The following ZBBX variants were observed in gnomAD, a reference collection of about 807,000 sequenced individuals.
ZBBX encodes the protein zinc finger B-box domain containing, also known as zinc finger B-box domain-containing protein 1.
ZBBX carries 101 observed loss-of-function variants against 108.5 expected under a neutral mutation model. The ratio of observed to expected loss-of-function variants is 0.93; its 90% CI spans 0.79 to 1.10. The LOEUF is 1.10. Ranked by LOEUF, ZBBX falls within the 50% of genes least tolerant of loss-of-function variation. The pLI, the probability that ZBBX is intolerant of heterozygous loss-of-function variation, is 0.00. For missense variants in ZBBX, 1,009 were observed against 941.4 expected, an observed-to-expected ratio of 1.07 and a Z score of -0.94; for synonymous variants, 356 against 323.4, an observed-to-expected ratio of 1.10 and a Z score of -1.08.
chr3:167,378,689 C>A (rs1747341103), intron 2 of ZBBX, among the ~76,000 whole-genome samples: 1 of 152,178 alleles, frequency 6.6e-6, no homozygotes, highest in Non-Finnish European at 1.5e-5. Context: ...TAGAAACTAC[C>A]TAGAGAAGAA....
At chr3:167,299,916 T>C (rs1732344511) in intron 17 of ZBBX, among the ~76,000 whole-genome samples, 1 of 152,174 alleles carries the variant, frequency 6.6e-6, no homozygotes, top group Non-Finnish European at 1.5e-5. Context: ...ATGGCCACTT[T>C]AGAAAGCTCT....
the ZBBX span, among the ~76,000 whole-genome samples, chr3:167,205,880 T>C: frequency 6.6e-6 from 1 of 152,108 alleles, no homozygotes; most frequent in Non-Finnish European, 1.5e-5. Context: ...ATTGGGCAGT[T>C]AGAGTTAGAA....
At chr3:167,400,571 G>T (rs971824340) in intron 1 of ZBBX, among the ~76,000 whole-genome samples, 7 of 151,866 alleles carry the variant, frequency 4.6e-5, no homozygotes, top group African/African-American at 1.7e-4. Context: ...TTGATTTCTT[G>T]CTGTTTAAAT....
chr3:167,204,158 T>C, the ZBBX span, among the ~76,000 whole-genome samples: 1 of 151,838 alleles, frequency 6.6e-6, no homozygotes, highest in East Asian at 1.9e-4. Flanking sequence ...GGTTTACTTG[T>C]AAGTTTATAA....
chr3:167,369,461 C>T (rs1012688315), intron 4 of ZBBX, among the ~76,000 whole-genome samples: 1 of 152,140 alleles, frequency 6.6e-6, no homozygotes, highest in Non-Finnish European at 1.5e-5. Flanking sequence ...TAAGCGGACA[C>T]AATCGAGGAA....
At chr3:167,331,546 A>C in intron 10 of ZBBX, 1 of 984,878 alleles carries the variant, frequency 1.0e-6, no homozygotes, top group Non-Finnish European at 1.2e-6. Context: ...TTCATATTGG[A>C]GTTATGCCAT....
chr3:167,322,181 T>A lies in ZBBX; in HGVS notation c.919A>T (p.Asn307Tyr). ...TNLKIWREPL[N>Y]IELKEDILSY... Reference sequence around the variant, plus strand: ...AGAATGTCTTCTTTAAGTTCAATATTAAGTGGTTCTCTCCAAATTTTCAGA... The same window carrying A: ...AGAATGTCTTCTTTAAGTTCAATATAAAGTGGTTCTCTCCAAATTTTCAGA... Residue 307 changes from asparagine to tyrosine, a missense_variant, in exon 12 of 22, where the codon AAT (asparagine) becomes TAT (tyrosine). Transcript: ENST00000675490. 1 of 1,473,110 alleles carries A rather than the reference T, an allele frequency of 6.8e-7. No individual in the cohort carries two copies. Among genetic ancestry groups the A allele is most frequent in the South Asian group, 1.5e-5 (1 of 65,104 alleles). The allele number at this position is 1,473,110 out of a possible 1,614,324, so 91.3% of individuals were successfully genotyped here.
intron 2 of ZBBX, among the ~76,000 whole-genome samples, chr3:167,377,671 T>A (rs1403930905): frequency 6.6e-6 from 1 of 151,552 alleles, no homozygotes; most frequent in African/African-American, 2.4e-5. Context: ...ATCCTTATTT[T>A]AAATATATAT....
At chr3:167,300,604 C>T (rs993443847) in intron 17 of ZBBX, among the ~76,000 whole-genome samples, 1 of 150,194 alleles carries the variant, frequency 6.7e-6, no homozygotes, top group Admixed American at 6.6e-5. Flanking sequence ...TCTCCCCCAC[C>T]AACCCTTTTT....
At chr3:167,266,313 A>G (rs768302813) in intron 20 of ZBBX, among the ~76,000 whole-genome samples, 3 of 152,234 alleles carry the variant, frequency 2.0e-5, no homozygotes, top group Non-Finnish European at 4.4e-5. Context: ...GTAAGATACA[A>G]TGAATCTTTG....
chr3:167,385,947 T>A (rs1747909482), intron 1 of ZBBX, among the ~76,000 whole-genome samples: 1 of 152,048 alleles, frequency 6.6e-6, no homozygotes, highest in South Asian at 2.1e-4. Context: ...CCTCCTGCCT[T>A]TGCCTGCCAA....
chr3:167,204,537 C>T, the ZBBX span, among the ~76,000 whole-genome samples: 1 of 148,996 alleles, frequency 6.7e-6, no homozygotes, highest in Non-Finnish European at 1.5e-5. Context: ...TGATGGTTTC[C>T]ATTTTCATCC....
At chr3:167,293,105 G>A (rs577594034) in intron 18 of ZBBX, among the ~76,000 whole-genome samples, 28 of 152,186 alleles carry the variant, frequency 1.8e-4, no homozygotes, top group African/African-American at 5.3e-4. Flanking sequence ...ATTCATAGCC[G>A]AATTCTACCA....
chr3:167,203,994 A>G, the ZBBX span, among the ~76,000 whole-genome samples: 3 of 152,138 alleles, frequency 2.0e-5, no homozygotes, highest in Non-Finnish European at 4.4e-5. Context: ...ATGTCAAAAG[A>G]TAAGACACTA....
chr3:167,301,986 C>T (rs1265625039), intron 17 of ZBBX, among the ~76,000 whole-genome samples: 2 of 142,274 alleles, frequency 1.4e-5, no homozygotes, highest in Non-Finnish European at 1.5e-5. Flanking sequence ...AAAACCTAGA[C>T]ATATTTGAAT....
chr3:167,394,213 G>T (rs1303210439), intron 1 of ZBBX, among the ~76,000 whole-genome samples: 1 of 151,860 alleles, frequency 6.6e-6, no homozygotes, highest in Non-Finnish European at 1.5e-5. Context: ...GGGTGGAGTT[G>T]TACCATAACT....
intron 20 of ZBBX, among the ~76,000 whole-genome samples, chr3:167,245,786 C>T (rs1054744172): frequency 1.3e-4 from 20 of 152,154 alleles, no homozygotes; most frequent in East Asian, 3.9e-4. Flanking sequence ...CCATGCTTCC[C>T]GTGCACTCTG....
intron 20 of ZBBX, among the ~76,000 whole-genome samples, chr3:167,243,738 G>A (rs1166500158): frequency 5.1e-5 from 7 of 136,546 alleles, no homozygotes; most frequent in Non-Finnish European, 9.2e-5. Flanking sequence ...GTGTTCTACA[G>A]TGGACTTGAC....
intron 1 of ZBBX, among the ~76,000 whole-genome samples, chr3:167,393,925 T>C (rs1216934794): frequency 6.6e-6 from 1 of 151,934 alleles, no homozygotes. Context: ...ATTATGCTTA[T>C]TGAACTTTTT....
Sources: allele counts gnomAD v4.1 joint callset (sites outside exome capture counted in the v4.1 genomes callset), GRCh38; gene constraint gnomAD v4.1.1; transcripts MANE v1.5; gene names NCBI Gene and HGNC (gene_info 2026-07-23, HGNC 2026-07-21).